Variants in RASAL2 observed in about 807,000 individuals in gnomAD.
The protein encoded by RASAL2 is ras GTPase-activating protein nGAP.
Under a neutral mutation model 128.9 loss-of-function variants are expected in RASAL2, and 58 were observed. That is an observed-to-expected ratio of 0.45 (90% confidence interval 0.36 to 0.56). The LOEUF is 0.56. RASAL2 is among the 20% of genes least tolerant of loss of function. The pLI, the probability that RASAL2 is intolerant of heterozygous loss-of-function variation, is 0.00. For missense variants in RASAL2, 1,360 were observed against 1,601.6 expected (o/e 0.85, Z 2.57); for synonymous variants, 561 against 580.8 (o/e 0.97, Z 0.49).
chr1:178,300,964 A>G (rs1042756922), intron 3 of RASAL2, among the ~76,000 whole-genome samples: 2 of 152,176 alleles, frequency 1.3e-5, no homozygotes, highest in Non-Finnish European at 2.9e-5. Context: ...TATTGTCTCT[A>G]TGGTGATCAG....
At position 178,102,389 on chromosome 1, in the gene RASAL2, T is replaced by C. The variant is rs532490948; in HGVS notation, c.202+7695T>C. Among the ~76,000 whole-genome samples, 72 of 152,034 alleles carry C rather than the reference T, an allele frequency of 4.7e-4. 1 individual carries two copies. In the Middle Eastern group the frequency reaches 0.01, roughly 22 times the overall value. ...AGGTTGGAGTGCAGTGGCGCAATCA[T>C]AGCTCATGCCCAGGTTGGAGTGCAG... is the stretch of plus-strand genomic sequence containing the variant. On this transcript the variant is annotated intron_variant, in intron 1 of 17. Coordinates refer to ENST00000367649, the MANE Select transcript of RASAL2 (RefSeq NM_170692.4).
At chr1:178,296,668 ATT>A (rs1160539560) in intron 2 of RASAL2, among the ~76,000 whole-genome samples, 7,381 of 113,598 alleles carry the variant, frequency 0.065, 620 homozygotes, top group African/African-American at 0.22. Context: ...CCTGGCCTTG[ATT>A]TTTTTTTTTT....
Position 178,458,473 on chromosome 1 carries a change from C to T in RASAL2, c.3181C>T (p.Gln1061Ter). The change falls in exon 14 of 18, where the codon CAG becomes TAG. Residue 1061 changes from glutamine to a stop codon, truncating the protein, a stop_gained. Transcript: ENST00000367649. LOFTEE classifies it high-confidence loss of function. ...TGTGCAGAATGGGAGCCGGTCCCGG[C>T]AGCAGTCCTCTTCCTCCAGAGAGAG... ...EPVQNGSRSR[Q>*]QSSSSRESPV... is the part of the protein sequence containing the mutation. 6.2e-7 allele frequency: 1 copy of T among 1,614,114 alleles called. No individual in the cohort carries two copies. The highest frequency in any genetic ancestry group is 8.5e-7 in the Non-Finnish European group (1 of 1,180,010).
At chr1:178,446,875 T>C (rs904123768) in intron 9 of RASAL2, among the ~76,000 whole-genome samples, 6 of 152,060 alleles carry the variant, frequency 3.9e-5, no homozygotes, top group African/African-American at 1.2e-4. Flanking sequence ...AAAACAGACA[T>C]TGAGCAAGAG....
rs534412214 is a variant in RASAL2 at position 178,116,897 on chromosome 1, G to A, written c.202+22203G>A. On this transcript the variant is annotated intron_variant, in intron 1 of 17. Coordinates refer to ENST00000367649, the MANE Select transcript of RASAL2 (RefSeq NM_170692.4). ...AGTGCTGGGATTACCCACCACACCTGGCCTAGATTGCTAATTTTTGTAATT... is the reference window on the plus strand; with the variant it reads ...AGTGCTGGGATTACCCACCACACCTAGCCTAGATTGCTAATTTTTGTAATT... Among the ~76,000 whole-genome samples the A allele has an allele frequency of 1.2e-4, 18 of 152,214 alleles. No homozygotes were observed. The South Asian group carries it at 3.7e-3, about 32-fold the overall frequency.
intron 1 of RASAL2, among the ~76,000 whole-genome samples, chr1:178,202,947 A>G (rs773958591): frequency 2.0e-5 from 3 of 152,190 alleles, no homozygotes; most frequent in Non-Finnish European, 1.5e-5. Flanking sequence ...TGACTTGGCC[A>G]TGGCCACTGC....
chr1:178,438,025 T>C (rs1676364537), intron 5 of RASAL2, among the ~76,000 whole-genome samples: 1 of 151,998 alleles, frequency 6.6e-6, no homozygotes, highest in Non-Finnish European at 1.5e-5. Flanking sequence ...ACAAGAAATA[T>C]AAATGTTGAC....
intron 1 of RASAL2, among the ~76,000 whole-genome samples, chr1:178,248,690 C>T (rs1183854180): frequency 1.3e-5 from 2 of 152,142 alleles, no homozygotes; most frequent in African/African-American, 4.8e-5. Context: ...CCAGTTTTTC[C>T]TTTCCATATT....
chr1:178,379,930 G>C (rs1672188801), intron 3 of RASAL2, among the ~76,000 whole-genome samples: 2 of 152,118 alleles, frequency 1.3e-5, no homozygotes, highest in African/African-American at 4.8e-5. Flanking sequence ...TTTGAGACAG[G>C]GTCTCACTCT....
chr1:178,462,486 A>G (rs917515487), intron 14 of RASAL2, among the ~76,000 whole-genome samples: 5 of 152,158 alleles, frequency 3.3e-5, no homozygotes, highest in Non-Finnish European at 7.4e-5. Context: ...AAAAGATAGT[A>G]TATAGTTTTT....
chr1:178,376,615 G>A (rs1010075590), intron 3 of RASAL2, among the ~76,000 whole-genome samples: 1 of 152,108 alleles, frequency 6.6e-6, no homozygotes, highest in African/African-American at 2.4e-5. Flanking sequence ...AAGATGGGGA[G>A]ATAACAGCTA....
At chr1:178,249,729 G>A (rs989847350) in intron 1 of RASAL2, among the ~76,000 whole-genome samples, 6 of 151,998 alleles carry the variant, frequency 3.9e-5, no homozygotes, top group Admixed American at 2.0e-4. Flanking sequence ...TTTCTGTATG[G>A]GTCGTTTTTG....
chr1:178,420,080 G>T (rs1352505188), intron 4 of RASAL2, among the ~76,000 whole-genome samples: 1 of 152,120 alleles, frequency 6.6e-6, no homozygotes, highest in Non-Finnish European at 1.5e-5. Flanking sequence ...TCACCTGGGG[G>T]CCTTTGCACA....
intron 1 of RASAL2, among the ~76,000 whole-genome samples, chr1:178,256,674 G>GTGTTTT (rs1252552927): frequency 6.6e-6 from 1 of 152,090 alleles, no homozygotes; most frequent in Non-Finnish European, 1.5e-5. Context: ...AGAAAAATCA[G>GTGTTTT]TGTTTTTGTT....
In RASAL2 at chr1:178,097,825, G is replaced by T. The variant is rs565980881; in HGVS notation, c.202+3131G>T. On this transcript the variant is annotated intron_variant, in intron 1 of 17. Transcript: ENST00000367649. ...ACTGTTTTGAGTTTCTTGTTGACAG[G>T]TTTGGCTCCTTGGTTGATAATACAT... is the stretch of plus-strand genomic sequence containing the variant. Among the ~76,000 whole-genome samples the T allele has an allele frequency of 5.3e-4, 81 of 152,192 alleles. 1 individual carries two copies. In the Middle Eastern group the frequency reaches 0.01, roughly 19 times the overall value.
intron 3 of RASAL2, among the ~76,000 whole-genome samples, chr1:178,378,494 T>A (rs1571960219): frequency 6.6e-6 from 1 of 152,064 alleles, no homozygotes; most frequent in Non-Finnish European, 1.5e-5. Flanking sequence ...CAACAATTAG[T>A]CTTCTCAAGC....
At chr1:178,111,862 T>C (rs1659336575) in intron 1 of RASAL2, among the ~76,000 whole-genome samples, 1 of 152,144 alleles carries the variant, frequency 6.6e-6, no homozygotes, top group African/African-American at 2.4e-5. Flanking sequence ...CCCGAGTAGC[T>C]GGGATTACAG....
At chr1:178,400,773 G>T (rs1322174544) in intron 4 of RASAL2, among the ~76,000 whole-genome samples, 1 of 151,892 alleles carries the variant, frequency 6.6e-6, no homozygotes, top group East Asian at 1.9e-4. Context: ...TAATTATTTT[G>T]AGACGGTGTC....
At chr1:178,280,733 G>A (rs912747348) in intron 1 of RASAL2, among the ~76,000 whole-genome samples, 4 of 151,594 alleles carry the variant, frequency 2.6e-5, no homozygotes, top group African/African-American at 9.8e-5. Context: ...AATGGACAGA[G>A]CAAATCCAAA....
Sources: gnomAD v4.1 joint callset for allele counts (sites outside exome capture counted in the v4.1 genomes callset) on GRCh38, gnomAD v4.1.1 for gene constraint, MANE v1.5 for transcripts, NCBI Gene and HGNC (gene_info 2026-07-23, HGNC 2026-07-21) for gene names.